The following DSE variants were observed in gnomAD, a reference collection of about 807,000 sequenced individuals.
DSE encodes dermatan-sulfate epimerase.
A neutral mutation model predicts 84.4 loss-of-function variants in DSE; 36 were observed. The ratio of observed to expected loss-of-function variants is 0.43; its 90% CI spans 0.33 to 0.56. The LOEUF is 0.56. Among genes scored for constraint, DSE ranks in the 20% least tolerant of loss-of-function variants. The pLI, the probability that DSE is intolerant of heterozygous loss-of-function variation, is 0.06. For missense variants in DSE, 862 were observed against 1,169.6 expected (o/e 0.74, Z 3.84); for synonymous variants, 410 against 430.1 (o/e 0.95, Z 0.58).
intron 2 of DSE, among the ~76,000 whole-genome samples, chr6:116,283,914 A>G (rs1773707271): frequency 6.6e-6 from 1 of 152,368 alleles, no homozygotes; most frequent in East Asian, 1.9e-4. Context: ...TTACAAAAAC[A>G]ACAGTGTATC....
chr6:116,400,234 T>C (rs1178093273), intron 2 of DSE: 1 of 152,230 alleles, frequency 6.6e-6, no homozygotes, highest in Non-Finnish European at 1.5e-5. Flanking sequence ...TTTCGAAGTT[T>C]AAGATTTGAG....
upstream of DSE, among the ~76,000 whole-genome samples, chr6:116,367,451 TAAACTC>T (rs1313089802): frequency 1.3e-5 from 2 of 152,158 alleles, no homozygotes; most frequent in Non-Finnish European, 2.9e-5. Context: ...TTTAATGAAT[TAAACTC>T]AAGAGGAGAA....
intron 2 of DSE, among the ~76,000 whole-genome samples, chr6:116,343,338 A>T (rs1777734936): frequency 6.6e-6 from 1 of 152,216 alleles, no homozygotes; most frequent in South Asian, 2.1e-4. Context: ...GAATGGACAG[A>T]CTGCCTCCTC....
Position 116,279,760 on chromosome 6 carries a change from A to T in DSE, c.-54+20793A>T, listed in dbSNP as rs147473642. On this transcript the variant is annotated intron_variant, in intron 2 of 3. Transcript: ENST00000430252. ...CTGGTGTGCGTCCTGGTCGCTCGGG[A>T]CTTGGTCAGAAATAATGATGCTGTG... 36 of 1,612,272 alleles carry T rather than the reference A, an allele frequency of 2.2e-5. No homozygotes were observed. In the African/African-American group the frequency reaches 4.7e-4, roughly 21 times the overall value.
At chr6:116,359,846 A>G (rs2640852) in intron 2 of DSE, among the ~76,000 whole-genome samples, 3,388 of 152,298 alleles carry the variant, frequency 0.022, 134 homozygotes, top group African/African-American at 0.078. Context: ...ACCAAATGGC[A>G]TCTGTTGACT....
At chr6:116,351,377 ATGAACT>A (rs796094988) in intron 2 of DSE, among the ~76,000 whole-genome samples, 145 of 152,336 alleles carry the variant, frequency 9.5e-4, no homozygotes, top group African/African-American at 3.4e-3. Context: ...AAGGTAAAAA[ATGAACT>A]TGATACTTCT....
chr6:116,431,783 T>TA (rs1034268293), intron 4 of DSE, among the ~76,000 whole-genome samples: 5 of 151,854 alleles, frequency 3.3e-5, no homozygotes, highest in Non-Finnish European at 7.4e-5. Context: ...GAACTAGCTC[T>TA]AAAAAAAATA....
At chr6:116,379,727 T>C (rs1313876229) in intron 1 of DSE, among the ~76,000 whole-genome samples, 1 of 152,198 alleles carries the variant, frequency 6.6e-6, no homozygotes. Flanking sequence ...TTAGACTTCA[T>C]GTGGCTTGCA....
At position 116,442,997 on chromosome 6, in the gene DSE, A is replaced by T. The variant is rs1397934208; in HGVS notation, c.*5652A>T. 1 of 152,190 alleles carries T rather than the reference A, an allele frequency of 6.6e-6. No individual in the cohort carries two copies. The highest frequency in any genetic ancestry group is 1.5e-5 in the Non-Finnish European group (1 of 68,046). The allele number at this position is 152,190 out of a possible 1,614,324, so 9.4% of individuals were successfully genotyped here. Reference sequence around the variant, plus strand: ...CAGGGAGGGGGTACCCTCTGCTTAGAAATCGCTGCAAGCAATGGCAAGCCA... The same window carrying T: ...CAGGGAGGGGGTACCCTCTGCTTAGTAATCGCTGCAAGCAATGGCAAGCCA... On this transcript the variant is annotated 3_prime_UTR_variant, in exon 6 of 6. Transcript: ENST00000644252.
At chr6:116,343,337 G>C (rs1242743822) in intron 2 of DSE, among the ~76,000 whole-genome samples, 2 of 152,248 alleles carry the variant, frequency 1.3e-5, no homozygotes. Context: ...AGAATGGACA[G>C]ACTGCCTCCT....
rs1774867621 is a variant in DSE, at chr6:116,299,502, T to TATA, written c.-54+40535_-54+40536insATA. ...CATCCTGAAAGGCTTCTTGAATTAT[T>TATA]TTTATATATATATATATATATATAT... On this transcript the variant is annotated intron_variant, in intron 2 of 3. Coordinates refer to the DSE transcript ENST00000430252. Among the ~76,000 whole-genome samples, 5 of 47,536 alleles carry TATA rather than the reference T, an allele frequency of 1.1e-4. 1 individual carries two copies. Among genetic ancestry groups the TATA allele is most frequent in the South Asian group, 2.1e-3 (2 of 968 alleles). 31.2% of individuals were successfully genotyped at this position (47,536 alleles called of 152,430 possible). A position where few individuals can be genotyped will look rare whatever the true frequency, so the allele number is the denominator to read the frequency against.
upstream of DSE, chr6:116,366,141 A>G (rs1002600223): frequency 2.6e-5 from 4 of 152,264 alleles, no homozygotes; most frequent in African/African-American, 7.2e-5. Context: ...AAAAGTTTGC[A>G]TATCAAAATC....
At chr6:116,260,979 T>C (rs2114596557) in intron 2 of DSE, among the ~76,000 whole-genome samples, 1 of 152,298 alleles carries the variant, frequency 6.6e-6, no homozygotes, top group African/African-American at 2.4e-5. Flanking sequence ...CTTTTTGGCT[T>C]CCATTTGAGT....
chr6:116,433,148 A>G lies in DSE; in HGVS notation c.911-195A>G, dbSNP rs1396008317. The G allele has an allele frequency of 1.7e-5, 10 of 601,326 alleles. No individual in the cohort carries two copies. In the East Asian group the frequency reaches 2.6e-4, roughly 15 times the overall value. 37.2% of individuals were successfully genotyped at this position (601,326 alleles called of 1,614,324 possible). A position where few individuals can be genotyped will look rare whatever the true frequency, so the allele number is the denominator to read the frequency against. On this transcript the variant is annotated intron_variant, in intron 4 of 5. Transcript: ENST00000644252. ...TAATAAATACAAGCTTGCACACAAC[A>G]TATGTGGAAGACCTTTTGAGGGATT... is the stretch of plus-strand genomic sequence containing the variant.
chr6:116,294,963 T>C (rs1315475348), intron 2 of DSE, among the ~76,000 whole-genome samples: 2 of 152,138 alleles, frequency 1.3e-5, no homozygotes, highest in Non-Finnish European at 2.9e-5. Flanking sequence ...GTAAGTATGA[T>C]AAGTGATGAG....
chr6:116,332,617 GAC>G (rs571300443), intron 2 of DSE, among the ~76,000 whole-genome samples: 41 of 152,082 alleles, frequency 2.7e-4, no homozygotes, highest in Non-Finnish European at 4.4e-4. Flanking sequence ...TTAGAAAAAA[GAC>G]ACATTTGAAA....
intron 2 of DSE, among the ~76,000 whole-genome samples, chr6:116,347,188 T>A (rs925288538): frequency 2.0e-5 from 3 of 152,162 alleles, no homozygotes; most frequent in Non-Finnish European, 2.9e-5. Flanking sequence ...AAAATGGCCA[T>A]ACTGTCCAAG....
chr6:116,410,725 C>T, intron 2 of DSE, among the ~76,000 whole-genome samples: 1 of 94,042 alleles, frequency 1.1e-5, no homozygotes. Context: ...CAGAGCGAGA[C>T]TCTGTCTCAA....
chr6:116,271,282 A>C (rs1447166956), intron 2 of DSE, among the ~76,000 whole-genome samples: 2 of 152,170 alleles, frequency 1.3e-5, no homozygotes, highest in Non-Finnish European at 2.9e-5. Context: ...TCACCTTCAG[A>C]GTTCTGTTTC....
Sources: gnomAD v4.1 joint callset for allele counts (sites outside exome capture counted in the v4.1 genomes callset) on GRCh38, gnomAD v4.1.1 for gene constraint, MANE v1.5 for transcripts, NCBI Gene and HGNC (gene_info 2026-07-23, HGNC 2026-07-21) for gene names.